Variants in RERE observed in about 807,000 individuals in gnomAD.
RERE encodes the protein arginine-glutamic acid dipeptide repeats protein.
In RERE, 40 loss-of-function variants were observed where a neutral mutation model predicts 146.1. That is an observed-to-expected ratio of 0.27 (90% CI 0.21 to 0.36). RERE has a LOEUF of 0.36. RERE is among the 10% of genes least tolerant of loss of function. The pLI is 1.00. For synonymous variants in RERE, 1,003 were observed against 866.0 expected (o/e 1.16, Z -2.78); for missense variants, 1,933 against 2,138.7 (o/e 0.90, Z 1.90).
chr1:8,504,323 C>A (rs1262890592), intron 8 of RERE, among the ~76,000 whole-genome samples: 1 of 152,146 alleles, frequency 6.6e-6, no homozygotes, highest in Non-Finnish European at 1.5e-5. Context: ...AGGACAAAAA[C>A]CACTGGGATT....
intron 3 of RERE, among the ~76,000 whole-genome samples, chr1:8,615,922 T>G (rs1646847353): frequency 6.6e-6 from 1 of 152,182 alleles, no homozygotes; most frequent in African/African-American, 2.4e-5. Flanking sequence ...CACTAAAATT[T>G]CTGTGCAGTC....
rs1646040849 is a variant in RERE at position 8,559,083 on chromosome 1, A to AG, written c.523-1561dup. Among the ~76,000 whole-genome samples, 3 of 151,284 alleles carry AG rather than the reference A, an allele frequency of 2.0e-5. 1 individual carries two copies. In the South Asian group the frequency reaches 6.3e-4, roughly 32 times the overall value. The stretch of plus-strand genomic sequence containing the variant: ...CCAATCTGCTGGGATTTCAAGCATG[A>AG]GCCACCACGCCGGCCGAAAATGTGC... On this transcript the variant is annotated intron_variant, in intron 4 of 22. Coordinates refer to ENST00000400908, the MANE Select transcript of RERE (RefSeq NM_001042681.2).
chr1:8,471,695 G>A (rs1303126090), intron 10 of RERE, among the ~76,000 whole-genome samples: 1 of 151,490 alleles, frequency 6.6e-6, no homozygotes, highest in Non-Finnish European at 1.5e-5. Flanking sequence ...TTTATTTTTT[G>A]TAGAGACAGG....
At position 8,577,696 on chromosome 1, in the gene RERE, T is replaced by C. The variant is rs142890081; in HGVS notation, c.523-20173A>G. On this transcript the variant is annotated intron_variant, in intron 4 of 22. Coordinates refer to ENST00000400908, the MANE Select transcript of RERE (RefSeq NM_001042681.2). ...AGAGTATCTCACTGAATATAAGATA[T>C]TCCACTCAATGCTACCTTATAAAAC... Among the ~76,000 whole-genome samples the C allele has an allele frequency of 1.9e-4, 29 of 152,308 alleles. No individual in the cohort carries two copies. In the East Asian group the frequency reaches 4.8e-3, roughly 25 times the overall value.
chr1:8,487,394 C>T (rs1263220245), intron 10 of RERE, among the ~76,000 whole-genome samples: 2 of 152,022 alleles, frequency 1.3e-5, no homozygotes, highest in Admixed American at 6.6e-5. Context: ...GGCTGGGCAA[C>T]ATAGTGAGAC....
chr1:8,743,512 C>T (rs1265856580), intron 1 of RERE, among the ~76,000 whole-genome samples: 1 of 151,320 alleles, frequency 6.6e-6, no homozygotes, highest in Non-Finnish European at 1.5e-5. Flanking sequence ...AAGGAATCCT[C>T]GGCCTCCCAA....
chr1:8,419,308 A>G (rs1164558049), intron 12 of RERE, among the ~76,000 whole-genome samples: 2 of 152,198 alleles, frequency 1.3e-5, no homozygotes, highest in Admixed American at 1.3e-4. Context: ...TTCCCACTTC[A>G]GTGGGCAGCA....
chr1:8,362,660 C>T (rs1395698532), intron 16 of RERE, 23 bp downstream of exon 16: 1 of 1,614,024 alleles, frequency 6.2e-7, no homozygotes, highest in South Asian at 1.1e-5. Context: ...AGAGTAGGCC[C>T]TACTATCCCC....
At chr1:8,648,116 C>G (rs1280614114) in intron 2 of RERE, among the ~76,000 whole-genome samples, 1 of 152,214 alleles carries the variant, frequency 6.6e-6, no homozygotes, top group Non-Finnish European at 1.5e-5. Flanking sequence ...ATAGGGCAAT[C>G]TCTCTCCTGA....
At chr1:8,569,784 C>A (rs1646197078) in intron 4 of RERE, among the ~76,000 whole-genome samples, 1 of 152,108 alleles carries the variant, frequency 6.6e-6, no homozygotes, top group Non-Finnish European at 1.5e-5. Context: ...CCCAGTTATT[C>A]TGGAGACTGA....
intron 12 of RERE, among the ~76,000 whole-genome samples, chr1:8,391,759 G>A (rs1335429296): frequency 6.6e-6 from 1 of 152,128 alleles, no homozygotes; most frequent in Non-Finnish European, 1.5e-5. Context: ...CTAGAGGCCG[G>A]GCATGGTGGC....
chr1:8,591,904 G>C (rs1020534352), intron 4 of RERE, among the ~76,000 whole-genome samples: 49 of 152,152 alleles, frequency 3.2e-4, no homozygotes, highest in Non-Finnish European at 4.0e-4. Flanking sequence ...TCTTAAAGAT[G>C]CTGCTACCAT....
chr1:8,690,966 C>T lies in RERE; in HGVS notation c.-144-34525G>A, dbSNP rs186906706. ...AGGCTGGAATGCAGTGGTGCAATCT[C>T]GGCTTATTGCAACCTCTGCCTCCCA... On this transcript the variant is annotated intron_variant, in intron 1 of 22. Coordinates refer to ENST00000400908, the MANE Select transcript of RERE (RefSeq NM_001042681.2). Among the ~76,000 whole-genome samples, 255 of 152,158 alleles carry T rather than the reference C, an allele frequency of 1.7e-3. 1 individual carries two copies. The highest frequency in any genetic ancestry group is 5.9e-3 in the African/African-American group (246 of 41,504).
In RERE at chr1:8,446,931, G is replaced by A. The variant is rs1469640167; in HGVS notation, c.1203+18994C>T. On this transcript the variant is annotated intron_variant, in intron 11 of 22. Coordinates refer to ENST00000400908, the MANE Select transcript of RERE (RefSeq NM_001042681.2). ...CCTGACCTCGTGATCCGCCCGCCTC[G>A]GCCTCCCAAAGTGCTGGGATTATAG... is the stretch of plus-strand genomic sequence containing the variant. 2.6e-4 allele frequency among the ~76,000 whole-genome samples: 39 copies of A among 151,618 alleles called. No homozygotes were observed. The East Asian group carries it at 3.3e-3, about 13-fold the overall frequency.
At chr1:8,555,353 T>C (rs1645994381) in intron 6 of RERE, among the ~76,000 whole-genome samples, 2 of 152,244 alleles carry the variant, frequency 1.3e-5, no homozygotes, top group African/African-American at 4.8e-5. Flanking sequence ...CCACAATGGC[T>C]GAGCTGAGTC....
At chr1:8,508,481 G>A in intron 8 of RERE, 146 bp downstream of exon 8, 1 of 632,640 alleles carries the variant, frequency 1.6e-6, no homozygotes, top group African/African-American at 1.8e-5. Context: ...GTGGTGATCT[G>A]AGGAGGGTGG....
At chr1:8,745,668 T>A (rs1018909678) in intron 1 of RERE, among the ~76,000 whole-genome samples, 1 of 152,228 alleles carries the variant, frequency 6.6e-6, no homozygotes, top group Non-Finnish European at 1.5e-5. Context: ...ATATACGGAT[T>A]GGACCTCTGT....
At chr1:8,666,285 C>T (rs377606185) in intron 1 of RERE, among the ~76,000 whole-genome samples, 6 of 152,296 alleles carry the variant, frequency 3.9e-5, no homozygotes, top group South Asian at 2.1e-4. Flanking sequence ...AGTAAGGAAC[C>T]GAGGTACCTC....
intron 6 of RERE, among the ~76,000 whole-genome samples, chr1:8,547,952 C>T (rs1645885834): frequency 1.3e-5 from 2 of 152,066 alleles, no homozygotes; most frequent in South Asian, 4.1e-4. Flanking sequence ...CTAGGAACAA[C>T]GTAAATGCTC....
Sources: allele counts gnomAD v4.1 joint callset (sites outside exome capture counted in the v4.1 genomes callset), GRCh38; gene constraint gnomAD v4.1.1; transcripts MANE v1.5; gene names NCBI Gene and HGNC (gene_info 2026-07-23, HGNC 2026-07-21).